The following KCNH5 variants were observed in gnomAD, a reference collection of about 807,000 sequenced individuals.
KCNH5 encodes voltage-gated delayed rectifier potassium channel KCNH5.
KCNH5 carries 46 observed loss-of-function variants against 96.1 expected under a neutral mutation model. The observed-to-expected ratio is 0.48, with a 90% CI of 0.38 to 0.61. KCNH5 has a LOEUF of 0.61. Ranked by LOEUF, KCNH5 falls within the 20% of genes least tolerant of loss-of-function variation. KCNH5 has a pLI of 0.00. For synonymous variants in KCNH5, 439 were observed against 449.8 expected (o/e 0.98, Z 0.30); for missense variants, 907 against 1,225.8 (o/e 0.74, Z 3.88).
chr14:62,736,303 C>T (rs1054065586), intron 10 of KCNH5, among the ~76,000 whole-genome samples: 1 of 152,094 alleles, frequency 6.6e-6, no homozygotes, highest in African/African-American at 2.4e-5. Context: ...CCTCCACTGG[C>T]TTCCTATCAC....
chr14:62,865,408 G>A, intron 7 of KCNH5, among the ~76,000 whole-genome samples: 1 of 151,838 alleles, frequency 6.6e-6, no homozygotes, highest in Non-Finnish European at 1.5e-5. Flanking sequence ...ACTGAAGACA[G>A]GTAAACAAGC....
At chr14:63,036,423 G>A (rs1891722533) in intron 1 of KCNH5, among the ~76,000 whole-genome samples, 1 of 151,794 alleles carries the variant, frequency 6.6e-6, no homozygotes, top group Admixed American at 6.6e-5. Context: ...TATACTGAAT[G>A]GAAAGTCAAA....
At chr14:62,921,140 G>A (rs768386928) in intron 7 of KCNH5, among the ~76,000 whole-genome samples, 32 of 151,932 alleles carry the variant, frequency 2.1e-4, no homozygotes, top group African/African-American at 7.0e-4. Context: ...ACAGACTGGG[G>A]AAGCTGACAT....
chr14:62,988,350 T>G (rs1297203991), intron 4 of KCNH5, among the ~76,000 whole-genome samples: 2 of 152,030 alleles, frequency 1.3e-5, no homozygotes, highest in African/African-American at 4.8e-5. Flanking sequence ...AAAGGAATGA[T>G]GACAATGATG....
At chr14:62,864,933 T>C (rs764275517) in intron 7 of KCNH5, among the ~76,000 whole-genome samples, 68 of 152,166 alleles carry the variant, frequency 4.5e-4, no homozygotes, top group Non-Finnish European at 8.4e-4. Context: ...TGAGAGGCTG[T>C]TGCCACAATC....
chr14:62,987,328 CT>C, intron 4 of KCNH5, 141 bp from the exon 5 acceptor site: 1 of 644,404 alleles, frequency 1.6e-6, no homozygotes, highest in Non-Finnish European at 2.8e-6. Context: ...ATTTTCTTTC[CT>C]TCTGTATAGA....
At position 62,950,179 on chromosome 14, in the gene KCNH5, G is replaced by A. The variant is rs765917810; in HGVS notation, c.1323C>T (p.Thr441=). Residue 441 remains threonine, a synonymous_variant, in exon 7 of 11, where the codon ACC becomes ACT. Transcript: ENST00000322893. ...TTIGFGNIAP[T]TDVEKMFSVA... ...CCGAAAACATCTTCTCCACATCTGT[G>A]GTAGGAGCTATGTTTCCAAATCCTA... is the stretch of plus-strand genomic sequence containing the variant. 15 of 1,613,658 alleles carry A rather than the reference G, an allele frequency of 9.3e-6. No homozygotes were observed. Among genetic ancestry groups the A allele is most frequent in the Non-Finnish European group, 1.3e-5 (15 of 1,179,892 alleles).
At chr14:62,881,566 C>A (rs1340387763) in intron 7 of KCNH5, among the ~76,000 whole-genome samples, 15 of 152,022 alleles carry the variant, frequency 9.9e-5, no homozygotes, top group Middle Eastern at 3.2e-3. Context: ...ATCTATACAG[C>A]AAACCCCCAG....
chr14:62,983,528 T>C (rs1286680010), intron 5 of KCNH5, among the ~76,000 whole-genome samples: 2 of 152,102 alleles, frequency 1.3e-5, no homozygotes, highest in African/African-American at 4.8e-5. Flanking sequence ...TAATAGAAAT[T>C]GAAACATCCT....
At chr14:62,825,983 T>C (rs1007648322) in intron 8 of KCNH5, among the ~76,000 whole-genome samples, 3 of 152,184 alleles carry the variant, frequency 2.0e-5, no homozygotes, top group African/African-American at 4.8e-5. Context: ...AGGAACTTTA[T>C]ATTCTATATT....
chr14:62,827,527 A>T (rs1190354852), intron 8 of KCNH5, among the ~76,000 whole-genome samples: 1 of 152,202 alleles, frequency 6.6e-6, no homozygotes, highest in African/African-American at 2.4e-5. Flanking sequence ...CTTTATTCAT[A>T]AAGGACAGCT....
chr14:62,715,129 G>C (rs575913991), intron 10 of KCNH5, among the ~76,000 whole-genome samples: 3 of 152,076 alleles, frequency 2.0e-5, no homozygotes, highest in African/African-American at 7.2e-5. Context: ...CATTTCAAAA[G>C]TAGGACATTT....
chr14:62,832,989 G>A (rs1887387717), intron 8 of KCNH5, among the ~76,000 whole-genome samples: 1 of 118,538 alleles, frequency 8.4e-6, no homozygotes, highest in Non-Finnish European at 1.8e-5. Flanking sequence ...CTATTGAATT[G>A]ATAGAGTTTC....
intron 1 of KCNH5, among the ~76,000 whole-genome samples, chr14:63,038,386 T>C (rs1432548106): frequency 6.6e-6 from 1 of 152,196 alleles, no homozygotes; most frequent in Non-Finnish European, 1.5e-5. Flanking sequence ...TATGTCCTTA[T>C]ATCTACAAGC....
In KCNH5 at chr14:62,827,575, T is replaced by C. The variant is rs188422592; in HGVS notation, c.1569+22078A>G. On this transcript the variant is annotated intron_variant, in intron 8 of 10. Coordinates refer to ENST00000322893, the MANE Select transcript of KCNH5 (RefSeq NM_139318.5). Reference sequence around the variant, plus strand: ...AAATTCTTAACTCACACATTTTTCTTGAGGATCTAAAAAATGTTGCTCTAT... The same window carrying C: ...AAATTCTTAACTCACACATTTTTCTCGAGGATCTAAAAAATGTTGCTCTAT... Among the ~76,000 whole-genome samples the C allele has an allele frequency of 2.6e-5, 4 of 152,324 alleles. No individual in the cohort carries two copies. The East Asian group carries it at 7.7e-4, about 29-fold the overall frequency.
At chr14:62,904,006 T>A (rs1292711768) in intron 7 of KCNH5, among the ~76,000 whole-genome samples, 1 of 152,166 alleles carries the variant, frequency 6.6e-6, no homozygotes, top group African/African-American at 2.4e-5. Context: ...AACTAAAACA[T>A]CTTTGGTTCA....
At chr14:62,806,721 A>T (rs1280947530) in intron 8 of KCNH5, among the ~76,000 whole-genome samples, 1 of 152,098 alleles carries the variant, frequency 6.6e-6, no homozygotes, top group Non-Finnish European at 1.5e-5. Context: ...TGCCTGACTG[A>T]CATTGGGTTC....
intron 2 of KCNH5, among the ~76,000 whole-genome samples, chr14:63,009,073 T>C (rs922083823): frequency 6.6e-6 from 1 of 152,122 alleles, no homozygotes; most frequent in African/African-American, 2.4e-5. Context: ...TGCTACTAAA[T>C]GACAGGTGTC....
At chr14:62,865,156 G>T (rs1445179295) in intron 7 of KCNH5, among the ~76,000 whole-genome samples, 3 of 152,094 alleles carry the variant, frequency 2.0e-5, no homozygotes, top group African/African-American at 7.2e-5. Context: ...GTGACAGAGA[G>T]CAAGGTGAAG....
Sources: allele counts gnomAD v4.1 joint callset (sites outside exome capture counted in the v4.1 genomes callset), GRCh38; gene constraint gnomAD v4.1.1; transcripts MANE v1.5; gene names NCBI Gene and HGNC (gene_info 2026-07-23, HGNC 2026-07-21).